The following MLLT1 variants were observed in gnomAD, a reference collection of about 807,000 sequenced individuals.
MLLT1 encodes the protein MLLT1 super elongation complex subunit, also known as protein ENL.
In MLLT1, 11 loss-of-function variants were observed where a neutral mutation model predicts 55.1. The observed-to-expected ratio is 0.20, with a 90% CI of 0.13 to 0.33. MLLT1 has a LOEUF of 0.33. Ranked by LOEUF, MLLT1 falls within the 10% of genes least tolerant of loss-of-function variation. MLLT1 has a pLI of 1.00. For missense variants in MLLT1, 536 were observed against 760.6 expected (o/e 0.70, Z 3.47); for synonymous variants, 323 against 320.1 (o/e 1.01, Z -0.10).
chr19:6,217,894 G>T, intron 7 of MLLT1, 60 bp downstream of exon 7: 4 of 1,544,934 alleles, frequency 2.6e-6, no homozygotes, highest in Non-Finnish European at 3.5e-6. Flanking sequence ...TGCCCATGTG[G>T]CCTGAGCTCC....
chr19:6,222,130 G>A lies in MLLT1; in HGVS notation c.1101C>T (p.Phe367=), dbSNP rs1303146648. 2.4e-5 allele frequency: 37 copies of A among 1,517,020 alleles called. No individual in the cohort carries two copies. Among genetic ancestry groups the A allele is most frequent in the Non-Finnish European group, 3.3e-5 (37 of 1,129,676 alleles). 94.0% of individuals were successfully genotyped at this position (1,517,020 alleles called of 1,614,324 possible). The change falls in exon 6 of 12, where the codon TTC becomes TTT. Residue 367 remains phenylalanine, a synonymous_variant. Transcript: ENST00000252674. The surrounding 1 kb of genome is among the most constrained non-coding windows in gnomAD (Gnocchi z 4.1). ...EESNSEDEAS[F]KSESAQSSPS... is the part of the protein sequence containing the mutation. ...CCCAGCACTCACTCACCTCGGACTT[G>A]AAGGAGGCCTCGTCCTCTGAGTTGG...
In MLLT1 at chr19:6,212,492, A is replaced by C. The variant is rs2090786606; in HGVS notation, c.*550T>G. 1 of 1,067,682 alleles carries C rather than the reference A, an allele frequency of 9.4e-7. No individual in the cohort carries two copies. The highest frequency in any genetic ancestry group is 1.1e-6 in the Non-Finnish European group (1 of 881,158). The allele number at this position is 1,067,682 out of a possible 1,614,324, so 66.1% of individuals were successfully genotyped here. On this transcript the variant is annotated 3_prime_UTR_variant, in exon 12 of 12. Coordinates refer to ENST00000252674, the MANE Select transcript of MLLT1 (RefSeq NM_005934.4). ...GACCAGACAGTGCACACACATATATAATAGAGAGAACTATACAGCACAGAC... is the reference window on the plus strand; with the variant it reads ...GACCAGACAGTGCACACACATATATCATAGAGAGAACTATACAGCACAGAC...
intron 1 of MLLT1, 150 bp downstream of exon 1, chr19:6,279,623 G>A (rs1229578295): frequency 6.6e-6 from 1 of 150,930 alleles, no homozygotes; most frequent in East Asian, 2.0e-4. Flanking sequence ...GGGCGCCCCC[G>A]CCCCACATAA....
intron 3 of MLLT1, among the ~76,000 whole-genome samples, chr19:6,255,990 A>C (rs1794865751): frequency 6.6e-6 from 1 of 151,806 alleles, no homozygotes; most frequent in Non-Finnish European, 1.5e-5. Flanking sequence ...AGGCCGAGGC[A>C]GGTAGATCAC....
Position 6,218,017 on chromosome 19 carries a change from A to G in MLLT1, c.1135T>C (p.Ser379Pro). 6.2e-7 allele frequency: 1 copy of G among 1,609,972 alleles called. No individual in the cohort carries two copies. Among genetic ancestry groups the G allele is most frequent in the Non-Finnish European group, 8.5e-7 (1 of 1,177,952 alleles). ...GAGCTGGAGTCTGAGCTGGAGCTGG[A>G]GTTGGACGGGCTTGACTGGGCAGAC... ...SESAQSSPSN[S>P]SSSSDSSSDS... Residue 379 changes from serine (S) to proline (P), a missense_variant, in exon 7 of 12, where the codon TCC becomes CCC. Ser to Pro is a moderately conservative substitution (Grantham distance 74). Around this residue, in one of 3 missense-constraint regions of MLLT1, gnomAD observed 449 missense variants for 489.0 expected, o/e 0.92. Transcript: ENST00000252674.
chr19:6,279,975 C>T lies in MLLT1; in HGVS notation c.-191G>A. The T allele has an allele frequency of 6.5e-6, 1 of 153,278 alleles. No individual in the cohort carries two copies. The highest frequency in any genetic ancestry group is 1.4e-5 in the Non-Finnish European group (1 of 69,208). 9.5% of individuals were successfully genotyped at this position (153,278 alleles called of 1,614,324 possible). A position where few individuals can be genotyped will look rare whatever the true frequency, so the allele number is the denominator to read the frequency against. ...GAAACCACCGCCAGCCCGGGTCGCG[C>T]ACCGATCACGGGCCCCCGCCGCCGA... is the stretch of plus-strand genomic sequence containing the variant. On this transcript the variant is annotated 5_prime_UTR_variant, in exon 1 of 12. Coordinates refer to ENST00000252674, the MANE Select transcript of MLLT1 (RefSeq NM_005934.4).
At chr19:6,238,907 G>A (rs1306835906) in intron 3 of MLLT1, among the ~76,000 whole-genome samples, 1 of 152,272 alleles carries the variant, frequency 6.6e-6, no homozygotes, top group Non-Finnish European at 1.5e-5. Context: ...TTGGAACTAG[G>A]CAGCGAGCCC....
At chr19:6,243,943 C>T (rs1276085279) in intron 3 of MLLT1, among the ~76,000 whole-genome samples, 2 of 149,348 alleles carry the variant, frequency 1.3e-5, no homozygotes, top group African/African-American at 5.0e-5. Context: ...ACTCGGGAGG[C>T]TGAGGTAGGA....
At chr19:6,236,435 G>A (rs2091061805) in intron 3 of MLLT1, among the ~76,000 whole-genome samples, 2 of 152,190 alleles carry the variant, frequency 1.3e-5, no homozygotes, top group Non-Finnish European at 2.9e-5. Flanking sequence ...CCAGGTCTTG[G>A]AGAGGTTCCT....
rs141160792 is a variant in MLLT1, at chr19:6,247,876, T to TTTTGTTTG, written c.276+14344_276+14351dup. On this transcript the variant is annotated intron_variant, in intron 3 of 11. Transcript: ENST00000252674. ...TTTCAGATTTTGGAGCATTTTGGTG[T>TTTTGTTTG]TTTGTTTGTTTGTTTGTTTGTTTGT... Among the ~76,000 whole-genome samples the TTTTGTTTG allele has an allele frequency of 8.7e-3, 1,285 of 147,444 alleles. 20 individuals are homozygous for TTTTGTTTG. The highest frequency in any genetic ancestry group is 0.031 in the African/African-American group (1,171 of 38,028).
rs578068524 is a variant in MLLT1, at chr19:6,241,405, A to G, written c.277-10692T>C. 4.7e-4 allele frequency among the ~76,000 whole-genome samples: 63 copies of G among 133,798 alleles called. 1 individual carries two copies. The Middle Eastern group carries it at 0.029, about 61-fold the overall frequency. The allele number at this position is 133,798 out of a possible 152,430, so 87.8% of individuals were successfully genotyped here. ...CAGGGCAGATGCCTTCGTCCTGTAC[A>G]GGAGGCACAAACAGTCGGAAAGATG... On this transcript the variant is annotated intron_variant, in intron 3 of 11. Transcript: ENST00000252674.
chr19:6,227,675 GTC>G lies in MLLT1; in HGVS notation c.421-575_421-574del, dbSNP rs537089336. 2.0e-5 allele frequency among the ~76,000 whole-genome samples: 3 copies of G among 152,190 alleles called. No individual in the cohort carries two copies. Among genetic ancestry groups the G allele is most frequent in the Non-Finnish European group, 4.4e-5 (3 of 68,038 alleles). Reference sequence around the variant, plus strand: ...CAGACGACCTGTGCCTACTGGGGGGGTCTCTCTGCAAAGCAGGCCCGAGTGAG... The same window carrying G: ...CAGACGACCTGTGCCTACTGGGGGGGTCTCTGCAAAGCAGGCCCGAGTGAG... On this transcript the variant is annotated intron_variant, in intron 4 of 11. Coordinates refer to ENST00000252674, the MANE Select transcript of MLLT1 (RefSeq NM_005934.4). The surrounding 1 kb of genome is among the most constrained non-coding windows in gnomAD (Gnocchi z 5.1).
In MLLT1 at chr19:6,222,781, A is replaced by G. The variant is rs1000917259; in HGVS notation, c.547-97T>C. 2 of 981,990 alleles carry G rather than the reference A, an allele frequency of 2.0e-6. No individual in the cohort carries two copies. The highest frequency in any genetic ancestry group is 2.8e-6 in the Non-Finnish European group (2 of 706,594). The allele number at this position is 981,990 out of a possible 1,614,324, so 60.8% of individuals were successfully genotyped here. On this transcript the variant is annotated intron_variant, in intron 5 of 11. Coordinates refer to ENST00000252674, the MANE Select transcript of MLLT1 (RefSeq NM_005934.4). The surrounding 1 kb of genome is among the most constrained non-coding windows in gnomAD (Gnocchi z 4.1). ...CCACCCCTGACCCCTACAAAGCATAATCCACCTGATTCAGCCTCAGCTAGA... is the reference window on the plus strand; with the variant it reads ...CCACCCCTGACCCCTACAAAGCATAGTCCACCTGATTCAGCCTCAGCTAGA...
rs570887035 is a variant in MLLT1 at position 6,225,396 on chromosome 19, C to T, written c.546+1581G>A. On this transcript the variant is annotated intron_variant, in intron 5 of 11. Coordinates refer to ENST00000252674, the MANE Select transcript of MLLT1 (RefSeq NM_005934.4). ...GGAGCACATGGCCCGGCCACTCACT[C>T]TCCAGGCAGAGAGCCAGTGACCAAA... Among the ~76,000 whole-genome samples, 6 of 152,342 alleles carry T rather than the reference C, an allele frequency of 3.9e-5. No homozygotes were observed. The East Asian group carries it at 7.7e-4, about 20-fold the overall frequency.
chr19:6,272,421 C>T (rs548499363), intron 1 of MLLT1, among the ~76,000 whole-genome samples: 67 of 152,332 alleles, frequency 4.4e-4, no homozygotes, highest in East Asian at 1.9e-3. Context: ...CTTCTAGTGC[C>T]GCAGCCTGGG....
chr19:6,223,797 C>A (rs2090928148), intron 5 of MLLT1, among the ~76,000 whole-genome samples: 1 of 152,210 alleles, frequency 6.6e-6, no homozygotes, highest in Admixed American at 6.5e-5. Context: ...GACCCTGTAT[C>A]ACCCCACGCA....
At position 6,213,327 on chromosome 19, in the gene MLLT1, G is replaced by C. The variant is rs761716066; in HGVS notation, c.1551+10C>G. ...ACCTCTGCCGGGCAGGACCCTCAGGGGGGCGATACCTGCTGCAGCACGTTG... is the reference window on the plus strand; with the variant it reads ...ACCTCTGCCGGGCAGGACCCTCAGGCGGGCGATACCTGCTGCAGCACGTTG... On this transcript the variant is annotated intron_variant, in intron 11 of 11. Transcript: ENST00000252674. The C allele has an allele frequency of 1.2e-6, 2 of 1,612,206 alleles. No homozygotes were observed. The highest frequency in any genetic ancestry group is 1.7e-6 in the Non-Finnish European group (2 of 1,179,800).
chr19:6,243,541 A>C (rs2091135890), intron 3 of MLLT1, among the ~76,000 whole-genome samples: 1 of 152,220 alleles, frequency 6.6e-6, no homozygotes, highest in African/African-American at 2.4e-5. Flanking sequence ...TTACGCCCAA[A>C]GAGGCAGGTG....
intron 5 of MLLT1, among the ~76,000 whole-genome samples, chr19:6,223,290 T>C (rs1258170757): frequency 6.6e-6 from 1 of 152,056 alleles, no homozygotes; most frequent in Admixed American, 6.5e-5. Context: ...GGTCCCTGGG[T>C]CCCAGGTACC....
Sources: gnomAD v4.1 joint callset for allele counts (sites outside exome capture counted in the v4.1 genomes callset) on GRCh38, gnomAD v4.1.1 for gene constraint, gnomAD v4.1.1 regional missense constraint, Gnocchi (gnomAD v3.1) non-coding constraint, MANE v1.5 for transcripts, NCBI Gene and HGNC (gene_info 2026-07-23, HGNC 2026-07-21) for gene names.